The following UNC13C variants were observed in gnomAD, a reference collection of about 807,000 sequenced individuals.
UNC13C encodes protein unc-13 homolog C.
UNC13C carries 174 observed loss-of-function variants against 245.4 expected under a neutral mutation model. That is an observed-to-expected ratio of 0.71 (90% CI 0.63 to 0.80). The LOEUF (loss-of-function observed/expected upper bound fraction) is 0.80, where lower values mean the gene tolerates loss of function less well. Among genes scored for constraint, UNC13C ranks in the 30% least tolerant of loss-of-function variants. The pLI, the probability that UNC13C is intolerant of heterozygous loss-of-function variation, is 0.00. For synonymous variants in UNC13C, 992 were observed against 895.1 expected (o/e 1.11, Z -1.93); for missense variants, 2,829 against 2,602.9 (o/e 1.09, Z -1.89).
chr15:54,049,030 G>T, intron 2 of UNC13C: 1 of 380,060 alleles, frequency 2.6e-6, no homozygotes, highest in South Asian at 2.3e-5. Flanking sequence ...TTCCCAAATC[G>T]TTTCACAGAA....
At chr15:53,997,957 C>A (rs989236859) in intron 1 of UNC13C, among the ~76,000 whole-genome samples, 2 of 151,978 alleles carry the variant, frequency 1.3e-5, no homozygotes, top group Non-Finnish European at 2.9e-5. Flanking sequence ...TGTGCGCCAC[C>A]ATGACCAGCT....
chr15:54,516,844 C>A (rs528506042), intron 24 of UNC13C, among the ~76,000 whole-genome samples: 16 of 148,026 alleles, frequency 1.1e-4, no homozygotes, highest in African/African-American at 4.0e-4. Context: ...ACACAGAATA[C>A]CCGTTTTTCT....
chr15:54,060,398 C>G (rs1370940472), intron 2 of UNC13C, among the ~76,000 whole-genome samples: 1 of 152,044 alleles, frequency 6.6e-6, no homozygotes, highest in African/African-American at 2.4e-5. Flanking sequence ...CAGAGAAATG[C>G]AAATCAAAAC....
intron 1 of UNC13C, among the ~76,000 whole-genome samples, chr15:54,007,852 G>A (rs935747943): frequency 2.0e-5 from 3 of 152,146 alleles, no homozygotes; most frequent in South Asian, 2.1e-4. Context: ...TGAGACAAGC[G>A]TGAGTCCTGA....
At chr15:54,159,275 T>C (rs1051187508) in intron 4 of UNC13C, among the ~76,000 whole-genome samples, 1 of 152,222 alleles carries the variant, frequency 6.6e-6, no homozygotes, top group Non-Finnish European at 1.5e-5. Context: ...AAATTCTTCG[T>C]AGACCGCAGA....
intron 4 of UNC13C, among the ~76,000 whole-genome samples, chr15:54,230,288 A>T (rs2035513731): frequency 6.6e-6 from 1 of 152,046 alleles, no homozygotes; most frequent in African/African-American, 2.4e-5. Context: ...CTCTTGTATC[A>T]CTTGTGAGGT....
chr15:54,167,601 G>GGAAAAAAAAAAAAAAAAAAAAAAA (rs2033223531), intron 4 of UNC13C, among the ~76,000 whole-genome samples: 1 of 49,732 alleles, frequency 2.0e-5, no homozygotes, highest in East Asian at 5.3e-4. Flanking sequence ...TATCCAAATA[G>GGAAAAAAAAAAAAAAAAAAAAAAA]GAAAAAAAAA....
At chr15:54,297,645 CAT>C (rs1266181606) in intron 11 of UNC13C, among the ~76,000 whole-genome samples, 164 bp from the exon 12 acceptor site, 2 of 152,234 alleles carry the variant, frequency 1.3e-5, no homozygotes, top group African/African-American at 4.8e-5. Flanking sequence ...AGAGCTACCA[CAT>C]ATGGCCTCAT....
intron 8 of UNC13C, among the ~76,000 whole-genome samples, chr15:54,254,099 T>C (rs1008899452): frequency 4.6e-5 from 7 of 152,378 alleles, no homozygotes; most frequent in African/African-American, 1.2e-4. Context: ...AAGCAATTAA[T>C]AAATTCGTAG....
chr15:54,048,968 A>C (rs1897158215), intron 2 of UNC13C: 1 of 336,512 alleles, frequency 3.0e-6, no homozygotes, highest in Non-Finnish European at 5.9e-6. Context: ...TGCATGTATC[A>C]CTCCAGGCCA....
intron 2 of UNC13C, among the ~76,000 whole-genome samples, chr15:54,017,657 T>C (rs1439546557): frequency 6.6e-6 from 1 of 152,190 alleles, no homozygotes; most frequent in Non-Finnish European, 1.5e-5. Context: ...CTTCTAAAAA[T>C]TCCAAATTAG....
chr15:53,851,119 T>C, the UNC13C span, among the ~76,000 whole-genome samples: 2 of 152,174 alleles, frequency 1.3e-5, no homozygotes, highest in African/African-American at 4.8e-5. Context: ...GTAAACTGTT[T>C]TAATATCCCT....
the UNC13C span, among the ~76,000 whole-genome samples, chr15:53,932,307 AAAATC>A: frequency 0.2 from 18,387 of 93,404 alleles, 1,480 homozygotes; most frequent in Non-Finnish European, 0.25. Context: ...CTCCATCTCA[AAAATC>A]AAAACAACAA....
At chr15:54,544,272 A>C (rs987115143) in intron 26 of UNC13C, among the ~76,000 whole-genome samples, 2 of 152,192 alleles carry the variant, frequency 1.3e-5, no homozygotes, top group Admixed American at 6.5e-5. Flanking sequence ...ACTCTCAATA[A>C]AATAGGTATT....
At chr15:54,609,792 A>G (rs1167821353) in intron 30 of UNC13C, among the ~76,000 whole-genome samples, 1 of 152,230 alleles carries the variant, frequency 6.6e-6, no homozygotes, top group Non-Finnish European at 1.5e-5. Flanking sequence ...TAAAGAAAAA[A>G]GGTTTAATTG....
chr15:54,053,592 TG>T (rs1897366818), intron 2 of UNC13C, among the ~76,000 whole-genome samples: 1 of 152,202 alleles, frequency 6.6e-6, no homozygotes. Flanking sequence ...TCAGGGTGAA[TG>T]GGGTGTCCAT....
intron 2 of UNC13C, among the ~76,000 whole-genome samples, chr15:54,055,556 G>A (rs1897473316): frequency 6.6e-6 from 1 of 152,150 alleles, no homozygotes; most frequent in Admixed American, 6.5e-5. Context: ...TTGTAGCCAT[G>A]TCTAGACAAA....
intron 17 of UNC13C, among the ~76,000 whole-genome samples, chr15:54,375,321 A>G (rs1193145689): frequency 6.6e-6 from 1 of 152,208 alleles, no homozygotes; most frequent in Non-Finnish European, 1.5e-5. Flanking sequence ...TTTTCTCTGA[A>G]TGCAGTGTTG....
intron 2 of UNC13C, among the ~76,000 whole-genome samples, chr15:54,129,534 C>G (rs760730796): frequency 6.6e-5 from 10 of 151,964 alleles, no homozygotes; most frequent in Non-Finnish European, 1.3e-4. Flanking sequence ...GAATTTTCTA[C>G]TGATTCAATT....
Sources: allele counts gnomAD v4.1 joint callset (sites outside exome capture counted in the v4.1 genomes callset), GRCh38; gene constraint gnomAD v4.1.1; transcripts MANE v1.5; gene names NCBI Gene and HGNC (gene_info 2026-07-23, HGNC 2026-07-21).